IL18R1: variants seen among roughly 807,000 people sequenced by gnomAD.
The protein encoded by IL18R1 is interleukin 18 receptor 1, also known as interleukin-18 receptor 1.
IL18R1 carries 40 observed loss-of-function variants against 48.5 expected under a neutral mutation model. The observed-to-expected ratio is 0.82, with a 90% CI of 0.64 to 1.07. IL18R1 has a LOEUF of 1.07. Ranked by LOEUF, IL18R1 falls within the 50% of genes least tolerant of loss-of-function variation. IL18R1 has a pLI of 0.00. For missense variants in IL18R1, 596 were observed against 633.7 expected, an observed-to-expected ratio of 0.94 and a Z score of 0.64; for synonymous variants, 232 against 225.9, an observed-to-expected ratio of 1.03 and a Z score of -0.24.
At chr2:102,391,656 G>C (rs1002324048) in intron 9 of IL18R1, among the ~76,000 whole-genome samples, 4 of 152,208 alleles carry the variant, frequency 2.6e-5, no homozygotes, top group African/African-American at 9.6e-5. Flanking sequence ...TATTTTGCTA[G>C]ATACTGTCAA....
chr2:102,388,537 T>A (rs1201496157), intron 8 of IL18R1, among the ~76,000 whole-genome samples: 3 of 152,140 alleles, frequency 2.0e-5, no homozygotes, highest in African/African-American at 7.2e-5. Flanking sequence ...CTGGCCAGGC[T>A]TTCCTGGGGC....
At chr2:102,388,467 C>T (rs759833520) in intron 8 of IL18R1, among the ~76,000 whole-genome samples, 6 of 152,200 alleles carry the variant, frequency 3.9e-5, no homozygotes, top group Non-Finnish European at 7.3e-5. Context: ...GTGTGATTGC[C>T]TGTGCTGTGG....
chr2:102,388,615 G>A (rs947885020), intron 8 of IL18R1, among the ~76,000 whole-genome samples: 3 of 152,122 alleles, frequency 2.0e-5, no homozygotes, highest in Non-Finnish European at 4.4e-5. Flanking sequence ...TGCCCTAGAC[G>A]CTTCTGGCCA....
intron 10 of IL18R1, among the ~76,000 whole-genome samples, 157 bp downstream of exon 10, chr2:102,394,784 A>C (rs1680738624): frequency 6.6e-6 from 1 of 152,248 alleles, no homozygotes; most frequent in Non-Finnish European, 1.5e-5. Flanking sequence ...CGATAGTGAG[A>C]AAACAAACTA....
chr2:102,357,649 C>T (rs1439365859), intron 1 of IL18R1, among the ~76,000 whole-genome samples: 2 of 152,126 alleles, frequency 1.3e-5, no homozygotes, highest in Non-Finnish European at 2.9e-5. Flanking sequence ...AGTTGGAGAG[C>T]TTCCTTGAGA....
At chr2:102,369,618 C>T (rs1252041436) in intron 3 of IL18R1, among the ~76,000 whole-genome samples, 1 of 152,166 alleles carries the variant, frequency 6.6e-6, no homozygotes, top group East Asian at 1.9e-4. Context: ...AAGATACAGA[C>T]ATATTCAAAT....
chr2:102,371,918 G>T (rs73006117), intron 3 of IL18R1, 35 bp from the exon 4 acceptor site: 1 of 1,240,832 alleles, frequency 8.1e-7, no homozygotes, highest in South Asian at 1.4e-5. Flanking sequence ...AGTTTCTGTA[G>T]CATTATAAAA....
intron 6 of IL18R1, among the ~76,000 whole-genome samples, chr2:102,384,060 A>G (rs1680080339): frequency 6.6e-6 from 1 of 152,000 alleles, no homozygotes; most frequent in Non-Finnish European, 1.5e-5. Context: ...AGTTTGTGTT[A>G]TTTTTTCTTA....
chr2:102,362,812 T>A, intron 2 of IL18R1, 94 bp downstream of exon 2: 1 of 692,950 alleles, frequency 1.4e-6, no homozygotes, highest in Non-Finnish European at 2.4e-6. Flanking sequence ...CTGAAGATGC[T>A]GAATTTATTC....
At chr2:102,390,973 C>CTGGAAGCCAAA (rs1460625327) in intron 9 of IL18R1, among the ~76,000 whole-genome samples, 1 of 145,024 alleles carries the variant, frequency 6.9e-6, no homozygotes, top group Non-Finnish European at 1.5e-5. Context: ...GAACCCCGAG[C>CTGGAAGCCAAA]TGGAAGCCAA....
intron 6 of IL18R1, among the ~76,000 whole-genome samples, chr2:102,383,782 T>C (rs993914192): frequency 6.6e-6 from 1 of 152,212 alleles, no homozygotes; most frequent in Non-Finnish European, 1.5e-5. Flanking sequence ...CTATATCATA[T>C]ATGCATGATA....
At position 102,385,018 on chromosome 2, in the gene IL18R1, A is replaced by G. The variant is rs11465645; in HGVS notation, c.809+20A>G. The G allele has an allele frequency of 6.5e-4, 863 of 1,324,558 alleles. 7 individuals are homozygous for G. In the African/African-American group the frequency reaches 0.011, roughly 17 times the overall value. 82.1% of individuals were successfully genotyped at this position (1,324,558 alleles called of 1,614,324 possible). On this transcript the variant is annotated intron_variant, in intron 7 of 10. Transcript: ENST00000233957. ...AATTATGTATGTATGTGTAATATAT[A>G]TGTCATGATATATACCATATAACAA...
rs558869087 is a variant in IL18R1, at chr2:102,356,412, C to G, written c.-29+12C>G. On this transcript the variant is annotated intron_variant, in intron 1 of 10. Coordinates refer to ENST00000233957, the MANE Select transcript of IL18R1 (RefSeq NM_003855.5). ...ACGCCTCTCTGAAGGTAAGGGTGGG[C>G]TCCGCTGCCACCCGCATCCCCTCCC... 169 of 930,446 alleles carry G rather than the reference C, an allele frequency of 1.8e-4. No homozygotes were observed. In the Middle Eastern group the frequency reaches 2.7e-3, roughly 15 times the overall value. 57.6% of individuals were successfully genotyped at this position (930,446 alleles called of 1,614,324 possible). A position where few individuals can be genotyped will look rare whatever the true frequency, so the allele number is the denominator to read the frequency against.
intron 8 of IL18R1, among the ~76,000 whole-genome samples, chr2:102,388,321 C>CG (rs1318167978): frequency 2.0e-5 from 3 of 152,174 alleles, no homozygotes; most frequent in African/African-American, 7.2e-5. Context: ...CCAGTCTTAA[C>CG]GACAAGCTTT....
At chr2:102,396,486 C>T in intron 10 of IL18R1, 45 bp from the exon 11 acceptor site, 2 of 1,143,546 alleles carry the variant, frequency 1.7e-6, no homozygotes, top group African/African-American at 1.6e-5. Context: ...TCATGTTCCC[C>T]CTTTCAGTTA....
intron 6 of IL18R1, among the ~76,000 whole-genome samples, chr2:102,383,835 G>A (rs1680058912): frequency 6.6e-6 from 1 of 151,950 alleles, no homozygotes; most frequent in African/African-American, 2.4e-5. Flanking sequence ...ATTACACTTT[G>A]TTGAAAATGA....
At chr2:102,394,336 A>T in intron 9 of IL18R1, 133 bp from the exon 10 acceptor site, 1 of 621,186 alleles carries the variant, frequency 1.6e-6, no homozygotes, top group Non-Finnish European at 2.6e-6. Context: ...TGGGAGGTTT[A>T]AATATAAACA....
At position 102,355,807 on chromosome 2, in the gene IL18R1, C is replaced by A. The variant is rs1315651181; in HGVS notation, c.-622C>A. ...GCCCGGGTTTTCCCGGGACCCGCGC[C>A]GCGCGGCTGGGCAGGAAGCGCCAGA... On this transcript the variant is annotated 5_prime_UTR_variant, in exon 1 of 11. Coordinates refer to ENST00000233957, the MANE Select transcript of IL18R1 (RefSeq NM_003855.5). 2 of 152,250 alleles carry A rather than the reference C, an allele frequency of 1.3e-5. No homozygotes were observed. The highest frequency in any genetic ancestry group is 4.8e-5 in the African/African-American group (2 of 41,452). The allele number at this position is 152,250 out of a possible 1,614,324, so 9.4% of individuals were successfully genotyped here.
At chr2:102,357,503 G>GA (rs527567618) in intron 1 of IL18R1, among the ~76,000 whole-genome samples, 3 of 140,698 alleles carry the variant, frequency 2.1e-5, no homozygotes, top group Non-Finnish European at 4.6e-5. Context: ...AAAAAAAAAA[G>GA]AAAAAAAAGA....
Sources: gnomAD v4.1 joint callset for allele counts (sites outside exome capture counted in the v4.1 genomes callset) on GRCh38, gnomAD v4.1.1 for gene constraint, MANE v1.5 for transcripts, NCBI Gene and HGNC (gene_info 2026-07-23, HGNC 2026-07-21) for gene names.